The following NAALADL2 variants were observed in gnomAD, a reference collection of about 807,000 sequenced individuals.
NAALADL2 encodes inactive N-acetylated-alpha-linked acidic dipeptidase-like protein 2.
Under a neutral mutation model 87.2 loss-of-function variants are expected in NAALADL2, and 76 were observed. That is an observed-to-expected ratio of 0.87 (90% CI 0.72 to 1.05). The LOEUF is 1.05. Among genes scored for constraint, NAALADL2 ranks in the 50% least tolerant of loss-of-function variants. NAALADL2 has a pLI of 0.00. For synonymous variants in NAALADL2, 354 were observed against 331.0 expected (o/e 1.07, Z -0.75); for missense variants, 1,089 against 945.8 (o/e 1.15, Z -1.99).
At chr3:174,709,563 AT>A (rs1307779482) in intron 2 of NAALADL2, among the ~76,000 whole-genome samples, 1 of 152,194 alleles carries the variant, frequency 6.6e-6, no homozygotes, top group Non-Finnish European at 1.5e-5. Context: ...ATCTATGGAA[AT>A]AATACAGAAC....
chr3:175,112,915 T>C (rs1724450336), intron 2 of NAALADL2, among the ~76,000 whole-genome samples: 1 of 151,642 alleles, frequency 6.6e-6, no homozygotes. Flanking sequence ...CTATGAATGC[T>C]TTAGATACAT....
chr3:174,533,062 C>T (rs923360982), intron 1 of NAALADL2, among the ~76,000 whole-genome samples: 1 of 149,434 alleles, frequency 6.7e-6, no homozygotes, highest in Non-Finnish European at 1.5e-5. Flanking sequence ...TACAGACACC[C>T]CTTACCCTTT....
intron 11 of NAALADL2, among the ~76,000 whole-genome samples, chr3:175,714,106 A>T (rs528314436): frequency 7.2e-5 from 11 of 152,280 alleles, no homozygotes; most frequent in Non-Finnish European, 1.5e-4. Context: ...TATATGTGCC[A>T]CATTTTCTTT....
intron 13 of NAALADL2, among the ~76,000 whole-genome samples, chr3:175,759,542 G>GA (rs1747720653): frequency 6.6e-6 from 1 of 151,890 alleles, no homozygotes; most frequent in Non-Finnish European, 1.5e-5. Context: ...ATTTTTAGTA[G>GA]AGACGGGGTT....
intron 3 of NAALADL2, among the ~76,000 whole-genome samples, chr3:174,831,606 A>G (rs949646928): frequency 6.6e-6 from 1 of 151,066 alleles, no homozygotes; most frequent in Non-Finnish European, 1.5e-5. Context: ...TTGGTATCAG[A>G]ATGATGCTGG....
intron 13 of NAALADL2, among the ~76,000 whole-genome samples, chr3:175,756,342 A>G (rs1237115385): frequency 2.0e-5 from 3 of 152,146 alleles, no homozygotes; most frequent in South Asian, 2.1e-4. Flanking sequence ...AAAGGAAAAC[A>G]ATTTTTTTAT....
chr3:174,446,108 A>T (rs1194531964), intron 1 of NAALADL2, among the ~76,000 whole-genome samples: 2 of 152,176 alleles, frequency 1.3e-5, no homozygotes, highest in African/African-American at 4.8e-5. Context: ...TTTTGAGCTC[A>T]GCATGAATTT....
chr3:175,146,110 C>A (rs1008075660), intron 2 of NAALADL2, among the ~76,000 whole-genome samples: 2 of 152,080 alleles, frequency 1.3e-5, no homozygotes, highest in Non-Finnish European at 2.9e-5. Context: ...AGTAAAAAAT[C>A]TCATCAGCTG....
intron 1 of NAALADL2, among the ~76,000 whole-genome samples, chr3:175,078,688 C>T (rs946117107): frequency 1.3e-5 from 2 of 152,124 alleles, no homozygotes; most frequent in Non-Finnish European, 2.9e-5. Flanking sequence ...GTATCCAATA[C>T]GTGGTCTTTT....
intron 1 of NAALADL2, among the ~76,000 whole-genome samples, chr3:174,876,378 C>G (rs1369363846): frequency 6.6e-6 from 1 of 152,150 alleles, no homozygotes; most frequent in Non-Finnish European, 1.5e-5. Context: ...TAACCATCCT[C>G]TAGCTCTTTT....
At chr3:174,952,324 C>T (rs910288961) in intron 1 of NAALADL2, among the ~76,000 whole-genome samples, 15 of 152,102 alleles carry the variant, frequency 9.9e-5, no homozygotes, top group African/African-American at 2.9e-4. Flanking sequence ...TGTTCCCCTT[C>T]GTGACTCTTT....
chr3:175,693,292 A>C (rs988717841), intron 11 of NAALADL2, among the ~76,000 whole-genome samples: 1 of 152,182 alleles, frequency 6.6e-6, no homozygotes, highest in Non-Finnish European at 1.5e-5. Context: ...AGGTTCATCT[A>C]TTACAGTGGC....
chr3:175,279,077 A>C (rs1490284306), intron 4 of NAALADL2, among the ~76,000 whole-genome samples: 1 of 152,176 alleles, frequency 6.6e-6, no homozygotes, highest in Non-Finnish European at 1.5e-5. Context: ...AAGCATGTGC[A>C]AATCTACCAG....
chr3:175,667,231 GAAAGAAAGAA>G (rs774891120), intron 11 of NAALADL2, among the ~76,000 whole-genome samples: 4,124 of 116,620 alleles, frequency 0.035, 153 homozygotes, highest in African/African-American at 0.11. Context: ...AAGAAAGAAA[GAAAGAAAGAA>G]AAAGAAAGAA....
intron 1 of NAALADL2, among the ~76,000 whole-genome samples, chr3:174,893,319 C>CG (rs397956023): frequency 6.7e-6 from 1 of 150,348 alleles, no homozygotes; most frequent in Non-Finnish European, 1.5e-5. Flanking sequence ...AACCCCCCCC[C>CG]GCAAAAAGTT....
Position 175,463,469 on chromosome 3 carries a change from T to C in NAALADL2, c.1303T>C (p.Phe435Leu). ...KLKTVTNVVG[F>L]VMGLTSPDRY... The stretch of plus-strand genomic sequence containing the variant: ...GAAAACAGTTACTAATGTTGTTGGA[T>C]TTGTAATGGGCTTGACATCTCCAGG... Residue 435 changes from phenylalanine (F) to leucine (L), a missense_variant, in exon 7 of 14, where the codon TTT (phenylalanine) becomes CTT (leucine). Phe to Leu is a conservative substitution (Grantham distance 22, BLOSUM62 0). Coordinates refer to ENST00000454872, the MANE Select transcript of NAALADL2 (RefSeq NM_207015.3). The C allele has an allele frequency of 6.3e-7, 1 of 1,597,662 alleles. No homozygotes were observed. Among genetic ancestry groups the C allele is most frequent in the East Asian group, 2.3e-5 (1 of 44,406 alleles).
chr3:175,532,694 C>G (rs918900040), intron 9 of NAALADL2, among the ~76,000 whole-genome samples: 8 of 152,198 alleles, frequency 5.3e-5, no homozygotes, highest in African/African-American at 1.4e-4. Context: ...GGTGGCTACA[C>G]CCACCTTGCC....
At chr3:175,590,899 A>T (rs1466796327) in intron 10 of NAALADL2, among the ~76,000 whole-genome samples, 1 of 152,156 alleles carries the variant, frequency 6.6e-6, no homozygotes, top group Non-Finnish European at 1.5e-5. Context: ...GAACAAAGGT[A>T]TGTGTGTGTG....
At chr3:174,777,482 C>G (rs1560216338) in intron 3 of NAALADL2, among the ~76,000 whole-genome samples, 1 of 152,006 alleles carries the variant, frequency 6.6e-6, no homozygotes, top group African/African-American at 2.4e-5. Flanking sequence ...ATCAAAATTT[C>G]TGGTCTTTAG....
Sources: allele counts gnomAD v4.1 joint callset (sites outside exome capture counted in the v4.1 genomes callset), GRCh38; gene constraint gnomAD v4.1.1; transcripts MANE v1.5; gene names NCBI Gene and HGNC (gene_info 2026-07-23, HGNC 2026-07-21).